Variants in ANKRD24 observed in about 807,000 individuals in gnomAD.
ANKRD24 encodes the protein ankyrin repeat domain-containing protein 24.
In ANKRD24, 109 loss-of-function variants were observed where a neutral mutation model predicts 127.8. The ratio of observed to expected loss-of-function variants is 0.85; its 90% confidence interval spans 0.73 to 1.00. The LOEUF (loss-of-function observed/expected upper bound fraction) is 1.00, where lower values mean the gene tolerates loss of function less well. ANKRD24 is among the 50% of genes least tolerant of loss of function. The pLI is 0.00. For synonymous variants in ANKRD24, 743 were observed against 671.1 expected (o/e 1.11, Z -1.66); for missense variants, 1,648 against 1,570.2 (o/e 1.05, Z -0.84).
rs774797536 is a variant in ANKRD24 at position 4,216,386 on chromosome 19, T to A, written c.1373T>A (p.Leu458Gln). The A allele has an allele frequency of 5.1e-6, 8 of 1,571,164 alleles. No individual in the cohort carries two copies. The Admixed American group carries it at 1.5e-4, about 30-fold the overall frequency. Reference protein sequence around the residue: ...VAVLTRQNQELMEKVQILENF... With the variant: ...VAVLTRQNQEQMEKVQILENF... Reference sequence around the variant, plus strand: ...GTGCTCACCAGACAGAACCAGGAACTGATGGAGAAGGTCCAGGTAGGGAAA... The same window carrying A: ...GTGCTCACCAGACAGAACCAGGAACAGATGGAGAAGGTCCAGGTAGGGAAA... The change falls in exon 17 of 22, where the codon CTG (leucine) becomes CAG (glutamine). Residue 458 changes from leucine to glutamine, a missense_variant. Physicochemically the swap from Leu to Gln is moderately radical, Grantham distance 113. Coordinates refer to ENST00000318934, the MANE Select transcript of ANKRD24 (RefSeq NM_001393985.1).
At chr19:4,189,082 T>G (rs1439253385) in intron 2 of ANKRD24, among the ~76,000 whole-genome samples, 18 of 152,154 alleles carry the variant, frequency 1.2e-4, no homozygotes, top group Admixed American at 4.6e-4. Context: ...AGTGCTGGAA[T>G]TACAGGCGTG....
chr19:4,217,120 G>A lies in ANKRD24; in HGVS notation c.1960G>A (p.Ala654Thr), dbSNP rs1489014785. ...AAAAGCAGAGGAAGCAGAAATGCAG[G>A]CCTACGGAGTGGGTGCTGGGCAAGC... ...KTKAEEAEMQ[A>T]YGVGAGQAEP... The change falls in exon 18 of 22, where the codon GCC (alanine) becomes ACC (threonine). Residue 654 changes from alanine (A) to threonine (T), a missense_variant. Coordinates refer to ENST00000318934, the MANE Select transcript of ANKRD24 (RefSeq NM_001393985.1). The A allele has an allele frequency of 6.2e-7, 1 of 1,613,832 alleles. No individual in the cohort carries two copies.
In ANKRD24 at chr19:4,200,185, G is replaced by T; in HGVS notation, c.343+14G>T. On this transcript the variant is annotated intron_variant, in intron 5 of 21. Coordinates refer to ENST00000318934, the MANE Select transcript of ANKRD24 (RefSeq NM_001393985.1). Reference sequence around the variant, plus strand: ...CGGACGGGGCAGGTACTGCCAGCTGGGCCCCGGGGAGGGAGGAGGAACTAA... The same window carrying T: ...CGGACGGGGCAGGTACTGCCAGCTGTGCCCCGGGGAGGGAGGAGGAACTAA... 1 of 1,585,568 alleles carries T rather than the reference G, an allele frequency of 6.3e-7. No individual in the cohort carries two copies. The highest frequency in any genetic ancestry group is 8.6e-7 in the Non-Finnish European group (1 of 1,167,590).
chr19:4,214,265 T>G (rs927647984), intron 15 of ANKRD24, among the ~76,000 whole-genome samples: 1 of 151,490 alleles, frequency 6.6e-6, no homozygotes, highest in South Asian at 2.1e-4. Flanking sequence ...TTTCCCGGCC[T>G]CAAGCAATCC....
chr19:4,204,086 C>G (rs1969252489), intron 7 of ANKRD24, among the ~76,000 whole-genome samples: 1 of 151,384 alleles, frequency 6.6e-6, no homozygotes, highest in Non-Finnish European at 1.5e-5. Flanking sequence ...GCCTCAGCCT[C>G]CCGAGTAGCG....
At chr19:4,193,125 AC>A (rs1968474421) in intron 2 of ANKRD24, among the ~76,000 whole-genome samples, 2 of 150,530 alleles carry the variant, frequency 1.3e-5, no homozygotes, top group Admixed American at 6.6e-5. Context: ...ACACAGCAAA[AC>A]CCCGTATCTA....
At chr19:4,209,878 AG>A (rs1262286585) in intron 11 of ANKRD24, among the ~76,000 whole-genome samples, 179 bp from the exon 12 acceptor site, 1 of 152,228 alleles carries the variant, frequency 6.6e-6, no homozygotes, top group African/African-American at 2.4e-5. Flanking sequence ...TGGAACTTAC[AG>A]GGAGTTGGTC....
At chr19:4,210,224 C>CCTTAGGCCCCATCTAAAGG in intron 12 of ANKRD24, 41 bp from the exon 13 acceptor site, 1 of 1,559,142 alleles carries the variant, frequency 6.4e-7, no homozygotes, top group Non-Finnish European at 8.7e-7. Context: ...GATGGGGCAA[C>CCTTAGGCCCCATCTAAAGG]CTTAGGCCCC....
rs557650594 is a variant in ANKRD24 at position 4,190,410 on chromosome 19, C to A, written c.36+3949C>A. Among the ~76,000 whole-genome samples, 2 of 147,034 alleles carry A rather than the reference C, an allele frequency of 1.4e-5. 1 individual carries two copies. ...TTGCACTCCAGCCTGGGCAACAGAG[C>A]GAGACTCCGTCTCGAAAAAAAAAAA... On this transcript the variant is annotated intron_variant, in intron 2 of 21. Transcript: ENST00000318934.
chr19:4,188,282 G>A (rs893941585), intron 2 of ANKRD24, among the ~76,000 whole-genome samples: 40 of 151,616 alleles, frequency 2.6e-4, no homozygotes, highest in Non-Finnish European at 5.7e-4. Context: ...TCACCATGTT[G>A]GCCAGGCCGG....
At chr19:4,194,443 G>A (rs1284216005) in intron 2 of ANKRD24, among the ~76,000 whole-genome samples, 1 of 152,218 alleles carries the variant, frequency 6.6e-6, no homozygotes, top group Non-Finnish European at 1.5e-5. Context: ...GTGAACCACC[G>A]CACCTAGCCA....
At chr19:4,196,275 A>C (rs1968729217) in intron 2 of ANKRD24, among the ~76,000 whole-genome samples, 1 of 152,198 alleles carries the variant, frequency 6.6e-6, no homozygotes. Flanking sequence ...AACGGAATTC[A>C]AGCCCCTGTC....
rs199870593 is a variant in ANKRD24, at chr19:4,202,855, C to T, written c.409-14C>T. On this transcript the variant is annotated splice_polypyrimidine_tract_variant and intron_variant, in intron 6 of 21. Coordinates refer to ENST00000318934, the MANE Select transcript of ANKRD24 (RefSeq NM_001393985.1). ...AAGGATGGCTCCGCCTCAAAGGACT[C>T]GCCCCATCCCCAGGCTTCCTGCGTG... is the stretch of plus-strand genomic sequence containing the variant. 1.1e-5 allele frequency: 17 copies of T among 1,582,112 alleles called. No homozygotes were observed. The highest frequency in any genetic ancestry group is 8.9e-5 in the Admixed American group (5 of 56,172).
rs1256842265 is a variant in ANKRD24 at position 4,217,771 on chromosome 19, G to A, written c.2611G>A (p.Ala871Thr). 1.5e-6 allele frequency: 2 copies of A among 1,304,002 alleles called. No homozygotes were observed. The highest frequency in any genetic ancestry group is 4.3e-5 in the Admixed American group (1 of 23,138). 80.8% of individuals were successfully genotyped at this position (1,304,002 alleles called of 1,614,324 possible). The change falls in exon 18 of 22, where the codon GCC (alanine) becomes ACC (threonine). Residue 871 changes from alanine to threonine, a missense_variant. Ala to Thr is a moderately conservative substitution (Grantham distance 58, BLOSUM62 0). Transcript: ENST00000318934. The part of the protein sequence containing the change: ...RATGEQQRTA[A>T]AELGRARDAA... ...CACGGGGGAGCAGCAGCGCACGGCG[G>A]CCGCGGAACTGGGCCGGGCACGGGA...
At position 4,218,085 on chromosome 19, in the gene ANKRD24, G is replaced by C. The variant is rs1970227287; in HGVS notation, c.2925G>C (p.Gln975His). ...ACGAACGCATCGTGGGCACCCTGCAGGCCAACGTGGCCCAGCTGGAGGGGC... is the reference window on the plus strand; with the variant it reads ...ACGAACGCATCGTGGGCACCCTGCACGCCAACGTGGCCCAGCTGGAGGGGC... The part of the protein sequence containing the change: ...SEHERIVGTL[Q>H]ANVAQLEGQL... Residue 975 changes from glutamine (Q) to histidine (H), a missense_variant, in exon 18 of 22, where the codon CAG becomes CAC. Gln to His is a conservative substitution (Grantham distance 24). Coordinates refer to ENST00000318934, the MANE Select transcript of ANKRD24 (RefSeq NM_001393985.1). 1 of 1,548,142 alleles carries C rather than the reference G, an allele frequency of 6.5e-7. No homozygotes were observed. The highest frequency in any genetic ancestry group is 2.5e-5 in the East Asian group (1 of 39,474).
intron 2 of ANKRD24, among the ~76,000 whole-genome samples, chr19:4,190,604 G>A (rs1055938198): frequency 1.3e-5 from 2 of 152,008 alleles, no homozygotes; most frequent in Non-Finnish European, 2.9e-5. Context: ...ATGGTGGTGG[G>A]CACCTGTAAT....
rs1968877846 is a variant in ANKRD24 at position 4,198,323 on chromosome 19, G to A, written c.37-1360G>A. ...GGGAGGGGGCTGGCGAGGAGGGCAA[G>A]GGGGAGGGGGCGGCACCAGGGAGGG... On this transcript the variant is annotated intron_variant, in intron 2 of 21. Coordinates refer to ENST00000318934, the MANE Select transcript of ANKRD24 (RefSeq NM_001393985.1). This position sits in a 1 kb window ranked among gnomAD's most constrained non-coding sequence, Gnocchi z 6.1. 3 of 415,734 alleles carry A rather than the reference G, an allele frequency of 7.2e-6. No homozygotes were observed. Among genetic ancestry groups the A allele is most frequent in the African/African-American group, 6.2e-5 (3 of 48,354 alleles). 25.8% of individuals were successfully genotyped at this position (415,734 alleles called of 1,614,324 possible).
chr19:4,198,119 A>G lies in ANKRD24; in HGVS notation c.37-1564A>G. 1 of 491,460 alleles carries G rather than the reference A, an allele frequency of 2.0e-6. No individual in the cohort carries two copies. Among genetic ancestry groups the G allele is most frequent in the Non-Finnish European group, 3.6e-6 (1 of 277,102 alleles). 30.4% of individuals were successfully genotyped at this position (491,460 alleles called of 1,614,324 possible). ...GCCGACTCGGAGGAGGTGGAGATGG[A>G]CGCCCGCGGGTCCCCTGGAGATGCA... On this transcript the variant is annotated intron_variant, in intron 2 of 21. Transcript: ENST00000318934. This position sits in a 1 kb window ranked among gnomAD's most constrained non-coding sequence, Gnocchi z 6.1.
Position 4,199,460 on chromosome 19 carries a change from C to T in ANKRD24, c.37-223C>T, listed in dbSNP as rs938374568. The T allele has an allele frequency of 4.1e-6, 4 of 976,902 alleles. No homozygotes were observed. Among genetic ancestry groups the T allele is most frequent in the Admixed American group, 6.2e-5 (1 of 16,254 alleles). 60.5% of individuals were successfully genotyped at this position (976,902 alleles called of 1,614,324 possible). On this transcript the variant is annotated intron_variant, in intron 2 of 21. Coordinates refer to ENST00000318934, the MANE Select transcript of ANKRD24 (RefSeq NM_001393985.1). This position sits in a 1 kb window ranked among gnomAD's most constrained non-coding sequence, Gnocchi z 5.2. ...CTCCTAGGCTCAAGCGATCCTCCCA[C>T]CTTGGCCTCCCCAGATGCTGGGACT...
Sources: gnomAD v4.1 joint callset for allele counts (sites outside exome capture counted in the v4.1 genomes callset) on GRCh38, gnomAD v4.1.1 for gene constraint, Gnocchi (gnomAD v3.1) non-coding constraint, MANE v1.5 for transcripts, NCBI Gene and HGNC (gene_info 2026-07-23, HGNC 2026-07-21) for gene names.